NKAIN2: variants seen among roughly 807,000 people sequenced by gnomAD.
NKAIN2 encodes the protein sodium/potassium-transporting ATPase subunit beta-1-interacting protein 2.
NKAIN2 carries 14 observed loss-of-function variants against 32.6 expected under a neutral mutation model. That is an observed-to-expected ratio of 0.43 (90% confidence interval 0.28 to 0.67). The LOEUF is 0.67. Ranked by LOEUF, NKAIN2 falls within the 30% of genes least tolerant of loss-of-function variation. NKAIN2 has a pLI of 0.17. For synonymous variants in NKAIN2, 80 were observed against 87.2 expected (o/e 0.92, Z 0.46); for missense variants, 198 against 258.3 (o/e 0.77, Z 1.60).
intron 1 of NKAIN2, among the ~76,000 whole-genome samples, chr6:123,849,953 T>C (rs1410164178): frequency 2.9e-5 from 1 of 34,072 alleles, no homozygotes; most frequent in Non-Finnish European, 1.2e-4. Flanking sequence ...AGGCTGGTTT[T>C]TTTTTTTTGT....
chr6:124,801,448 A>G (rs990134836), intron 5 of NKAIN2, among the ~76,000 whole-genome samples: 1 of 152,204 alleles, frequency 6.6e-6, no homozygotes, highest in Non-Finnish European at 1.5e-5. Flanking sequence ...AAAGTTAAAC[A>G]ATCATTTAGA....
intron 3 of NKAIN2, among the ~76,000 whole-genome samples, chr6:124,407,765 G>A (rs184018935): frequency 6.6e-6 from 1 of 151,312 alleles, no homozygotes; most frequent in Non-Finnish European, 1.5e-5. Flanking sequence ...CCTGAGGAAT[G>A]GCCACACTGA....
intron 3 of NKAIN2, among the ~76,000 whole-genome samples, chr6:124,426,055 G>T (rs981462762): frequency 2.0e-5 from 3 of 152,092 alleles, no homozygotes; most frequent in Non-Finnish European, 4.4e-5. Flanking sequence ...AAACACTTAT[G>T]ACCTTTATCT....
chr6:124,745,954 G>C (rs1451512860), intron 4 of NKAIN2, among the ~76,000 whole-genome samples: 1 of 151,820 alleles, frequency 6.6e-6, no homozygotes, highest in Non-Finnish European at 1.5e-5. Flanking sequence ...AGAGCAATGG[G>C]GGATGTTTCC....
At chr6:124,484,231 A>T (rs970906173) in intron 3 of NKAIN2, among the ~76,000 whole-genome samples, 1 of 152,220 alleles carries the variant, frequency 6.6e-6, no homozygotes, top group Non-Finnish European at 1.5e-5. Context: ...CCATTTCAGG[A>T]ACATTCTGGA....
intron 4 of NKAIN2, among the ~76,000 whole-genome samples, chr6:124,756,322 A>G (rs551896851): frequency 6.6e-6 from 1 of 152,096 alleles, no homozygotes; most frequent in African/African-American, 2.4e-5. Flanking sequence ...TGCTTTCGAC[A>G]CTGGCCTTTT....
rs1403242620 is a variant in NKAIN2, at chr6:124,593,328, C to T, written c.274-64858C>T. Reference sequence around the variant, plus strand: ...TCTGCATTACTCTTCTTTCACCTTACCTAAAAACTTTTTTTAAAACAATTA... The same window carrying T: ...TCTGCATTACTCTTCTTTCACCTTATCTAAAAACTTTTTTTAAAACAATTA... On this transcript the variant is annotated intron_variant, in intron 3 of 6. Coordinates refer to ENST00000368417, the MANE Select transcript of NKAIN2 (RefSeq NM_001040214.3). Among the ~76,000 whole-genome samples the T allele has an allele frequency of 2.0e-5, 3 of 152,066 alleles. 1 individual carries two copies. The highest frequency in any genetic ancestry group is 2.0e-4 in the Admixed American group (3 of 15,248).
chr6:124,524,911 G>A (rs1030110624), intron 3 of NKAIN2, among the ~76,000 whole-genome samples: 1 of 152,178 alleles, frequency 6.6e-6, no homozygotes, highest in Non-Finnish European at 1.5e-5. Context: ...ATATGTAGAT[G>A]TCAGATAAAA....
At chr6:124,448,895 T>C (rs1775995025) in intron 3 of NKAIN2, among the ~76,000 whole-genome samples, 1 of 152,142 alleles carries the variant, frequency 6.6e-6, no homozygotes, top group Non-Finnish European at 1.5e-5. Context: ...ATAAAGATAA[T>C]TGATAGCTTA....
intron 3 of NKAIN2, among the ~76,000 whole-genome samples, chr6:124,637,981 G>T (rs1288085695): frequency 6.6e-6 from 1 of 151,970 alleles, no homozygotes; most frequent in Admixed American, 6.6e-5. Context: ...CAAACTGAAG[G>T]CATCATACTA....
At chr6:124,348,117 A>G (rs1002081362) in intron 2 of NKAIN2, among the ~76,000 whole-genome samples, 4 of 152,180 alleles carry the variant, frequency 2.6e-5, no homozygotes, top group Non-Finnish European at 2.9e-5. Context: ...CCCTGTTTGC[A>G]TAGTTAGCAG....
At chr6:123,860,324 C>T (rs1775737669) in intron 1 of NKAIN2, among the ~76,000 whole-genome samples, 2 of 152,136 alleles carry the variant, frequency 1.3e-5, no homozygotes, top group Admixed American at 1.3e-4. Flanking sequence ...TATATTATCT[C>T]CAGAAACAGT....
intron 3 of NKAIN2, among the ~76,000 whole-genome samples, chr6:124,484,293 TG>T (rs1777568276): frequency 6.6e-6 from 1 of 152,286 alleles, no homozygotes; most frequent in Admixed American, 6.5e-5. Context: ...TCTATGAACT[TG>T]GGGTTCAACA....
chr6:123,914,421 C>T (rs1045201886), intron 1 of NKAIN2, among the ~76,000 whole-genome samples: 1 of 151,986 alleles, frequency 6.6e-6, no homozygotes, highest in Non-Finnish European at 1.5e-5. Flanking sequence ...TCTGGAGTCT[C>T]TTCTTATAAT....
Position 124,642,285 on chromosome 6 carries a change from C to T in NKAIN2, c.274-15901C>T, listed in dbSNP as rs137925388. On this transcript the variant is annotated intron_variant, in intron 3 of 6. Transcript: ENST00000368417. ...CCATACTTTCTCAGCTGTTCTTCCT[C>T]GCATCTTGAACAATATAATTTGCTT... 7.2e-5 allele frequency among the ~76,000 whole-genome samples: 11 copies of T among 152,254 alleles called. No individual in the cohort carries two copies. In the East Asian group the frequency reaches 1.7e-3, roughly 24 times the overall value.
intron 1 of NKAIN2, among the ~76,000 whole-genome samples, chr6:124,227,725 T>C (rs939104349): frequency 6.6e-6 from 1 of 152,144 alleles, no homozygotes; most frequent in Non-Finnish European, 1.5e-5. Flanking sequence ...TCTAATTAGA[T>C]CAACCCAGGC....
intron 1 of NKAIN2, among the ~76,000 whole-genome samples, chr6:124,060,781 T>C (rs1358256306): frequency 1.3e-5 from 2 of 152,082 alleles, no homozygotes; most frequent in Non-Finnish European, 1.5e-5. Flanking sequence ...GGTACAGCTT[T>C]AAAAAATATA....
chr6:123,814,865 C>T (rs1046738133), intron 1 of NKAIN2, among the ~76,000 whole-genome samples: 4 of 152,100 alleles, frequency 2.6e-5, no homozygotes, highest in African/African-American at 4.8e-5. Context: ...TGTTGGGAGC[C>T]GAAGACCCTG....
intron 1 of NKAIN2, among the ~76,000 whole-genome samples, chr6:124,041,413 A>G (rs1781866762): frequency 6.6e-6 from 1 of 152,108 alleles, no homozygotes; most frequent in African/African-American, 2.4e-5. Context: ...TGTTCAAACT[A>G]AATGCAAATA....
Sources: gnomAD v4.1 joint callset for allele counts (sites outside exome capture counted in the v4.1 genomes callset) on GRCh38, gnomAD v4.1.1 for gene constraint, MANE v1.5 for transcripts, NCBI Gene and HGNC (gene_info 2026-07-23, HGNC 2026-07-21) for gene names.